SMARCC1: variants seen among roughly 807,000 people sequenced by gnomAD.
SMARCC1 encodes the protein SWI/SNF related BAF chromatin remodeling complex subunit C1.
In SMARCC1, 43 loss-of-function variants were observed where a neutral mutation model predicts 147.4. The ratio of observed to expected loss-of-function variants is 0.29; its 90% CI spans 0.23 to 0.38. SMARCC1 has a LOEUF of 0.38. Ranked by LOEUF, SMARCC1 falls within the 10% of genes least tolerant of loss-of-function variation. The pLI, the probability that SMARCC1 is intolerant of heterozygous loss-of-function variation, is 1.00. For missense variants in SMARCC1, 1,119 were observed against 1,381.1 expected (o/e 0.81, Z 3.01); for synonymous variants, 495 against 484.4 (o/e 1.02, Z -0.29).
At chr3:47,725,103 T>C (rs2034283016) in intron 6 of SMARCC1, among the ~76,000 whole-genome samples, 1 of 149,182 alleles carries the variant, frequency 6.7e-6, no homozygotes, top group Admixed American at 6.7e-5. Context: ...CTATACTGTA[T>C]ATGTAAAAAT....
At chr3:47,752,033 G>A (rs745716853) in intron 2 of SMARCC1, among the ~76,000 whole-genome samples, 4 of 152,100 alleles carry the variant, frequency 2.6e-5, no homozygotes, top group Non-Finnish European at 5.9e-5. Context: ...GCGATGAACC[G>A]AGATTGCGCC....
chr3:47,698,218 G>A (rs187473546), intron 11 of SMARCC1, among the ~76,000 whole-genome samples: 16 of 151,596 alleles, frequency 1.1e-4, no homozygotes, highest in African/African-American at 3.9e-4. Context: ...ATTAAAAGGA[G>A]AAATATCATT....
intron 15 of SMARCC1, among the ~76,000 whole-genome samples, chr3:47,679,072 C>T (rs1228770259): frequency 2.0e-5 from 3 of 152,042 alleles, no homozygotes; most frequent in Non-Finnish European, 1.5e-5. Flanking sequence ...GGACTTCTGT[C>T]ACAAAATATA....
At chr3:47,738,734 G>C (rs1312046727) in intron 3 of SMARCC1, among the ~76,000 whole-genome samples, 1 of 151,974 alleles carries the variant, frequency 6.6e-6, no homozygotes, top group Non-Finnish European at 1.5e-5. Flanking sequence ...TGTTCTCTTA[G>C]ATAAAGGAAA....
At chr3:47,681,025 T>A (rs2033638079) in intron 14 of SMARCC1, among the ~76,000 whole-genome samples, 1 of 152,196 alleles carries the variant, frequency 6.6e-6, no homozygotes, top group South Asian at 2.1e-4. Context: ...CTGTAGTTTT[T>A]CTATTCCCAT....
chr3:47,612,506 T>G (rs1001793748), intron 25 of SMARCC1, among the ~76,000 whole-genome samples: 1 of 152,212 alleles, frequency 6.6e-6, no homozygotes, highest in Non-Finnish European at 1.5e-5. Flanking sequence ...ATTACCTAGC[T>G]GAATTTTGGG....
At chr3:47,720,639 C>T in intron 7 of SMARCC1, 27 bp downstream of exon 7, 1 of 1,430,730 alleles carries the variant, frequency 7.0e-7, no homozygotes, top group African/African-American at 1.4e-5. Context: ...AATCTTTATA[C>T]CAGGTCTCAC....
intron 10 of SMARCC1, among the ~76,000 whole-genome samples, chr3:47,705,927 T>C (rs1433639392): frequency 3.3e-5 from 5 of 152,240 alleles, no homozygotes. Context: ...GAAATCGTAA[T>C]CCTCATTCAA....
chr3:47,762,193 T>G (rs949330575), intron 2 of SMARCC1, among the ~76,000 whole-genome samples: 8 of 152,220 alleles, frequency 5.3e-5, no homozygotes, highest in Non-Finnish European at 8.8e-5. Context: ...CTTAGCCCTC[T>G]GCATTTACTC....
chr3:47,701,569 C>T (rs994089816), intron 10 of SMARCC1, 167 bp from the exon 11 acceptor site: 10 of 618,140 alleles, frequency 1.6e-5, no homozygotes, highest in Non-Finnish European at 2.5e-5. Context: ...AATCAGAGCA[C>T]TTTGGGAGGC....
intron 7 of SMARCC1, among the ~76,000 whole-genome samples, chr3:47,718,822 C>T (rs1347768776): frequency 6.6e-6 from 1 of 152,064 alleles, no homozygotes; most frequent in Non-Finnish European, 1.5e-5. Context: ...TAAAACTGCT[C>T]TACTATAGGT....
intron 26 of SMARCC1, among the ~76,000 whole-genome samples, chr3:47,607,938 A>C (rs894724547): frequency 3.3e-5 from 5 of 152,184 alleles, no homozygotes; most frequent in Non-Finnish European, 5.9e-5. Context: ...ACAAAATATT[A>C]AAAAATTTAT....
intron 24 of SMARCC1, among the ~76,000 whole-genome samples, chr3:47,628,720 A>G (rs1243877181): frequency 6.6e-6 from 1 of 152,092 alleles, no homozygotes; most frequent in Non-Finnish European, 1.5e-5. Context: ...ACGTGCCACT[A>G]TGACTGGCTT....
rs1442686321 is a variant in SMARCC1, at chr3:47,763,028, T to G, written c.315+9789A>C. 4.0e-5 allele frequency among the ~76,000 whole-genome samples: 6 copies of G among 149,226 alleles called. No homozygotes were observed. In the Admixed American group the frequency reaches 4.1e-4, roughly 10 times the overall value. On this transcript the variant is annotated intron_variant, in intron 2 of 27. Coordinates refer to ENST00000254480, the MANE Select transcript of SMARCC1 (RefSeq NM_003074.4). ...TTGCAGTGAGCCGAGATCACGCCAC[T>G]ACACTCTAGCCTGGGCGACAGAGCG...
intron 1 of SMARCC1, 113 bp downstream of exon 1, chr3:47,781,490 T>A (rs995225630): frequency 2.9e-6 from 2 of 684,746 alleles, no homozygotes; most frequent in African/African-American, 1.9e-5. Context: ...CGCCTGCCTT[T>A]GTTGTCCCTC....
intron 21 of SMARCC1, among the ~76,000 whole-genome samples, chr3:47,648,389 TTTTTTTA>T (rs1285018884): frequency 6.6e-6 from 1 of 152,042 alleles, no homozygotes; most frequent in Non-Finnish European, 1.5e-5. Context: ...TAAGAATTCA[TTTTTTTA>T]TTTTTTAAGA....
chr3:47,664,056 G>A (rs1415529723), intron 19 of SMARCC1: 1 of 535,954 alleles, frequency 1.9e-6, no homozygotes, highest in African/African-American at 1.9e-5. Context: ...GTTGGGGGAG[G>A]AAGTGACCCT....
intron 11 of SMARCC1, among the ~76,000 whole-genome samples, chr3:47,699,377 G>A (rs2033891054): frequency 6.6e-6 from 1 of 151,896 alleles, no homozygotes; most frequent in Non-Finnish European, 1.5e-5. Flanking sequence ...GAACTGCTTG[G>A]GACATTTTCC....
At position 47,686,042 on chromosome 3, in the gene SMARCC1, C is replaced by A; in HGVS notation, c.1385+7G>T. 1 of 1,612,608 alleles carries A rather than the reference C, an allele frequency of 6.2e-7. No individual in the cohort carries two copies. The highest frequency in any genetic ancestry group is 1.1e-5 in the South Asian group (1 of 90,964). On this transcript the variant is annotated splice_region_variant and intron_variant, in intron 14 of 27. Transcript: ENST00000254480. ...ACCATGCTCACAGATGGAAGTGGTC[C>A]ACTCACCAGTTATAATCAAACCATG...
Sources: allele counts gnomAD v4.1 joint callset (sites outside exome capture counted in the v4.1 genomes callset), GRCh38; gene constraint gnomAD v4.1.1; transcripts MANE v1.5; gene names NCBI Gene and HGNC (gene_info 2026-07-23, HGNC 2026-07-21).